SLCO6A1: variants seen among roughly 807,000 people sequenced by gnomAD.
The protein encoded by SLCO6A1 is solute carrier organic anion transporter family member 6A1, also known as cancer/testis antigen 48.
In SLCO6A1, 65 loss-of-function variants were observed where a neutral mutation model predicts 72.7. That is an observed-to-expected ratio of 0.89 (90% CI 0.73 to 1.10). The LOEUF (loss-of-function observed/expected upper bound fraction) is 1.10, where lower values mean the gene tolerates loss of function less well. Among genes scored for constraint, SLCO6A1 ranks in the 50% least tolerant of loss-of-function variants. The pLI is 0.00. For missense variants in SLCO6A1, 874 were observed against 872.6 expected (o/e 1.00, Z -0.02); for synonymous variants, 314 against 298.2 (o/e 1.05, Z -0.55).
intron 6 of SLCO6A1, among the ~76,000 whole-genome samples, chr5:102,442,871 G>A (rs761602174): frequency 6.8e-6 from 1 of 146,190 alleles, no homozygotes; most frequent in Middle Eastern, 3.6e-3. Flanking sequence ...AGACCAGCCT[G>A]GCCAACATGG....
intron 11 of SLCO6A1, 46 bp from the exon 12 acceptor site, chr5:102,388,871 C>T (rs780167271): frequency 6.5e-7 from 1 of 1,547,402 alleles, no homozygotes; most frequent in African/African-American, 1.4e-5. Context: ...AAACACTATT[C>T]TCTTAAACAT....
chr5:102,404,464 CCACTGTACT>C (rs1390480720), intron 9 of SLCO6A1, among the ~76,000 whole-genome samples: 2 of 151,992 alleles, frequency 1.3e-5, no homozygotes, highest in African/African-American at 4.8e-5. Context: ...CACTGCTGTG[CCACTGTACT>C]CCAGCCTGGG....
At chr5:102,425,676 G>A (rs1013887589) in intron 7 of SLCO6A1, among the ~76,000 whole-genome samples, 3 of 152,160 alleles carry the variant, frequency 2.0e-5, no homozygotes, top group African/African-American at 2.4e-5. Context: ...AATCAATATC[G>A]TGAAAATGGC....
intron 6 of SLCO6A1, among the ~76,000 whole-genome samples, chr5:102,440,380 A>G (rs116596085): frequency 8.5e-5 from 13 of 152,256 alleles, no homozygotes; most frequent in African/African-American, 3.1e-4. Context: ...TGAACTGCAC[A>G]TGTGAGGGAT....
At chr5:102,396,002 T>C (rs1747057540) in intron 10 of SLCO6A1, among the ~76,000 whole-genome samples, 1 of 152,052 alleles carries the variant, frequency 6.6e-6, no homozygotes, top group Non-Finnish European at 1.5e-5. Context: ...GCCTGTTCAC[T>C]CTGATGGTAG....
chr5:102,396,198 T>G (rs9327853), intron 10 of SLCO6A1, among the ~76,000 whole-genome samples: 1 of 151,674 alleles, frequency 6.6e-6, no homozygotes, highest in Admixed American at 6.6e-5. Flanking sequence ...GTGTTTAATC[T>G]ATCTTGAATT....
intron 4 of SLCO6A1, among the ~76,000 whole-genome samples, chr5:102,470,421 T>C (rs1275476250): frequency 1.3e-5 from 2 of 152,210 alleles, no homozygotes; most frequent in Admixed American, 1.3e-4. Flanking sequence ...TATCCATTTC[T>C]TCTAGATTTT....
intron 6 of SLCO6A1, among the ~76,000 whole-genome samples, chr5:102,452,669 C>A (rs1055411695): frequency 2.0e-5 from 3 of 152,036 alleles, no homozygotes; most frequent in Non-Finnish European, 4.4e-5. Flanking sequence ...ACATAATGAC[C>A]TGCAAGAAAC....
chr5:102,480,494 T>A, intron 1 of SLCO6A1, 60 bp from the exon 2 acceptor site: 1 of 1,473,342 alleles, frequency 6.8e-7, no homozygotes, highest in Non-Finnish European at 9.2e-7. Flanking sequence ...TCATTATGAT[T>A]ATTACAAAGC....
chr5:102,478,056 T>C (rs1407431090), intron 2 of SLCO6A1, among the ~76,000 whole-genome samples, 195 bp from the exon 3 acceptor site: 1 of 151,940 alleles, frequency 6.6e-6, no homozygotes, highest in African/African-American at 2.4e-5. Flanking sequence ...ATCATACAAT[T>C]TGGGCCAGAC....
chr5:102,371,934 A>T lies in SLCO6A1; in HGVS notation c.*205T>A, dbSNP rs1750646144. On this transcript the variant is annotated 3_prime_UTR_variant, in exon 14 of 14. Transcript: ENST00000506729. ...TAAAAATTCTACATACATTAAAAAC[A>T]TTATCAGAAATGTTTCACAATAGGA... 6.6e-6 allele frequency: 1 copy of T among 152,038 alleles called. No homozygotes were observed. The highest frequency in any genetic ancestry group is 2.1e-4 in the South Asian group (1 of 4,830). The allele number at this position is 152,038 out of a possible 1,614,324, so 9.4% of individuals were successfully genotyped here. A position where few individuals can be genotyped will look rare whatever the true frequency, so the allele number is the denominator to read the frequency against.
intron 12 of SLCO6A1, among the ~76,000 whole-genome samples, chr5:102,386,725 G>C (rs1282313457): frequency 6.6e-6 from 1 of 152,182 alleles, no homozygotes; most frequent in Non-Finnish European, 1.5e-5. Flanking sequence ...AGCCTGAAGT[G>C]CAGGGCTTTG....
At chr5:102,444,021 AG>A (rs1289096862) in intron 6 of SLCO6A1, among the ~76,000 whole-genome samples, 7 of 152,154 alleles carry the variant, frequency 4.6e-5, no homozygotes, top group Non-Finnish European at 8.8e-5. Context: ...CCACACGAGA[AG>A]GGGTTCATTC....
chr5:102,411,281 A>G (rs1164822535), intron 9 of SLCO6A1, among the ~76,000 whole-genome samples: 3 of 151,322 alleles, frequency 2.0e-5, no homozygotes, highest in Admixed American at 2.0e-4. Context: ...TTGTGTTTTT[A>G]TGAGATATGT....
chr5:102,383,095 A>ATGTATATATATAT (rs1554064835), intron 12 of SLCO6A1, among the ~76,000 whole-genome samples: 14 of 128,572 alleles, frequency 1.1e-4, no homozygotes, highest in Non-Finnish European at 2.0e-4. Flanking sequence ...TATGTGTGTG[A>ATGTATATATATAT]ATATATATAT....
intron 11 of SLCO6A1, among the ~76,000 whole-genome samples, chr5:102,390,159 A>T (rs1746674011): frequency 6.6e-6 from 1 of 152,136 alleles, no homozygotes; most frequent in Admixed American, 6.6e-5. Context: ...ATATCATCTT[A>T]TTCTACCCTC....
intron 12 of SLCO6A1, among the ~76,000 whole-genome samples, chr5:102,377,961 C>T (rs1290115892): frequency 2.7e-5 from 4 of 150,432 alleles, no homozygotes; most frequent in Non-Finnish European, 5.9e-5. Context: ...TAAACTCTAG[C>T]ATATAAATTT....
At chr5:102,401,723 G>T (rs945481434) in intron 9 of SLCO6A1, among the ~76,000 whole-genome samples, 1 of 152,100 alleles carries the variant, frequency 6.6e-6, no homozygotes, top group Admixed American at 6.6e-5. Context: ...GAGGCAGTCA[G>T]TCATTCACAG....
At chr5:102,373,615 A>C in intron 12 of SLCO6A1, 121 bp from the exon 13 acceptor site, 1 of 519,380 alleles carries the variant, frequency 1.9e-6, no homozygotes, top group Non-Finnish European at 3.1e-6. Context: ...AAATTTCCCA[A>C]TTTTAGAATG....
Sources: gnomAD v4.1 joint callset for allele counts (sites outside exome capture counted in the v4.1 genomes callset) on GRCh38, gnomAD v4.1.1 for gene constraint, MANE v1.5 for transcripts, NCBI Gene and HGNC (gene_info 2026-07-23, HGNC 2026-07-21) for gene names.